CCDC3: variants seen among roughly 807,000 people sequenced by gnomAD.
CCDC3 encodes the protein coiled-coil domain containing 3, also known as coiled-coil domain-containing protein 3.
Under a neutral mutation model 21.4 loss-of-function variants are expected in CCDC3, and 24 were observed. The ratio of observed to expected loss-of-function variants is 1.12; its 90% confidence interval spans 0.81 to 1.58. The LOEUF is 1.58. CCDC3 is among the 40% of genes most tolerant of loss of function. CCDC3 has a pLI of 0.00. For missense variants in CCDC3, 425 were observed against 360.9 expected (o/e 1.18, Z -1.44); for synonymous variants, 186 against 166.0 (o/e 1.12, Z -0.93).
At chr10:12,972,393 C>T (rs1291889994) in intron 2 of CCDC3, among the ~76,000 whole-genome samples, 2 of 152,196 alleles carry the variant, frequency 1.3e-5, no homozygotes, top group African/African-American at 4.8e-5. Flanking sequence ...CCTGCTGGAT[C>T]TGAATCCTGC....
intron 5 of CCDC3, among the ~76,000 whole-genome samples, chr10:13,011,524 CA>C (rs1487527499): frequency 1.3e-5 from 2 of 151,782 alleles, no homozygotes; most frequent in South Asian, 4.2e-4. Flanking sequence ...AACGGCTGCT[CA>C]AAAAAATCAG....
In CCDC3 at chr10:13,042,621, C is replaced by T. The variant is rs1209224044; in HGVS notation, c.-2+7053G>A. On this transcript the variant is annotated intron_variant, in intron 5 of 6. Transcript: ENST00000378839. ...AAAATAATGGTCGAAAACTCCATGG[C>T]TTCTCAGCCGGGCGTGGTGGCTCAC... is the stretch of plus-strand genomic sequence containing the variant. Among the ~76,000 whole-genome samples the T allele has an allele frequency of 3.9e-5, 6 of 152,314 alleles. No homozygotes were observed. The South Asian group carries it at 8.3e-4, about 21-fold the overall frequency.
Position 12,998,524 on chromosome 10 carries a change from A to T in CCDC3, c.375-12T>A. 6 of 1,612,940 alleles carry T rather than the reference A, an allele frequency of 3.7e-6. No homozygotes were observed. Among genetic ancestry groups the T allele is most frequent in the Non-Finnish European group, 4.2e-6 (5 of 1,179,470 alleles). ...AATTTTCATCCATCCTAATGGAGGA[A>T]AAAAAGGCAGACATGTAGGCTAGAC... On this transcript the variant is annotated splice_polypyrimidine_tract_variant and intron_variant, in intron 1 of 2. Coordinates refer to ENST00000378825, the MANE Select transcript of CCDC3 (RefSeq NM_031455.4).
intron 2 of CCDC3, among the ~76,000 whole-genome samples, chr10:12,964,901 C>A (rs1400244803): frequency 6.6e-6 from 1 of 152,170 alleles, no homozygotes; most frequent in Non-Finnish European, 1.5e-5. Context: ...GGCATAAAGA[C>A]TACTTTGAGC....
chr10:12,998,539 G>A, intron 1 of CCDC3, 27 bp from the exon 2 acceptor site: 1 of 1,609,270 alleles, frequency 6.2e-7, no homozygotes, highest in South Asian at 1.1e-5. Context: ...AGGCAGACAT[G>A]TAGGCTAGAC....
intron 3 of CCDC3, among the ~76,000 whole-genome samples, chr10:13,078,051 T>C (rs866246885): frequency 2.0e-5 from 3 of 151,978 alleles, no homozygotes; most frequent in South Asian, 2.1e-4. Flanking sequence ...GCAAAAGAAA[T>C]TACCATCAGA....
intron 3 of CCDC3, chr10:13,074,119 G>A (rs1444836450): frequency 7.0e-6 from 1 of 142,724 alleles, no homozygotes; most frequent in African/African-American, 2.6e-5. Flanking sequence ...GCAAGAAACA[G>A]AGGAATCAAA....
At chr10:12,899,839 C>A (rs1232330186) in intron 2 of CCDC3, among the ~76,000 whole-genome samples, 2 of 152,328 alleles carry the variant, frequency 1.3e-5, no homozygotes, top group African/African-American at 4.8e-5. Context: ...GAAGAAGATT[C>A]ATTTTCACTT....
At chr10:12,985,473 C>T (rs1025151739) in intron 2 of CCDC3, among the ~76,000 whole-genome samples, 3 of 152,188 alleles carry the variant, frequency 2.0e-5, no homozygotes, top group Admixed American at 2.0e-4. Context: ...ACACTCTGTA[C>T]GTGAATGTTC....
At chr10:12,994,042 T>C (rs1376432811) in intron 2 of CCDC3, among the ~76,000 whole-genome samples, 1 of 152,142 alleles carries the variant, frequency 6.6e-6, no homozygotes, top group East Asian at 1.9e-4. Flanking sequence ...AATGTGCCCT[T>C]CATATCTACA....
At chr10:13,033,339 T>C (rs1299726768) in intron 5 of CCDC3, among the ~76,000 whole-genome samples, 1 of 152,178 alleles carries the variant, frequency 6.6e-6, no homozygotes, top group Non-Finnish European at 1.5e-5. Context: ...CTAAAATTAA[T>C]TCAAGATGGA....
chr10:13,023,376 A>G (rs1326519209), intron 5 of CCDC3, among the ~76,000 whole-genome samples: 1 of 152,168 alleles, frequency 6.6e-6, no homozygotes, highest in Non-Finnish European at 1.5e-5. Flanking sequence ...CACATGGCTG[A>G]AAGTTGGTGC....
intron 2 of CCDC3, among the ~76,000 whole-genome samples, chr10:12,964,296 C>T (rs1835226379): frequency 6.6e-6 from 1 of 151,762 alleles, no homozygotes; most frequent in Non-Finnish European, 1.5e-5. Flanking sequence ...CGCTTGAACC[C>T]GGGAGGCAGA....
intron 5 of CCDC3, among the ~76,000 whole-genome samples, chr10:13,033,983 C>T (rs1836341309): frequency 6.6e-6 from 1 of 152,142 alleles, no homozygotes; most frequent in Non-Finnish European, 1.5e-5. Flanking sequence ...CCAGCAATCC[C>T]ATTACTGGGT....
At chr10:12,983,671 A>C (rs1268990416) in intron 2 of CCDC3, among the ~76,000 whole-genome samples, 1 of 138,738 alleles carries the variant, frequency 7.2e-6, no homozygotes, top group African/African-American at 3.1e-5. Flanking sequence ...GAAGTGGCAA[A>C]AAAAAAAAAA....
intron 5 of CCDC3, among the ~76,000 whole-genome samples, chr10:13,026,342 AGCTTTTACAAACT>A (rs1836216380): frequency 6.6e-6 from 1 of 152,246 alleles, no homozygotes; most frequent in Non-Finnish European, 1.5e-5. Flanking sequence ...AATAACCTAC[AGCTTTTACAAACT>A]GCTTTAGTGG....
At chr10:12,905,408 C>T (rs548532494) in intron 2 of CCDC3, among the ~76,000 whole-genome samples, 1 of 152,280 alleles carries the variant, frequency 6.6e-6, no homozygotes, top group East Asian at 1.9e-4. Context: ...ATCTTAACCT[C>T]AAGAGGGGCT....
At chr10:12,914,971 T>C (rs1834328293) in intron 2 of CCDC3, among the ~76,000 whole-genome samples, 1 of 152,238 alleles carries the variant, frequency 6.6e-6, no homozygotes, top group Non-Finnish European at 1.5e-5. Context: ...AGGCATTTAT[T>C]GTTATAAACT....
intron 4 of CCDC3, among the ~76,000 whole-genome samples, chr10:13,072,138 ACCT>A (rs1836890775): frequency 6.6e-6 from 1 of 151,872 alleles, no homozygotes; most frequent in Non-Finnish European, 1.5e-5. Flanking sequence ...CCTTACCGTA[ACCT>A]CCTTGTTTCG....
Sources: gnomAD v4.1 joint callset for allele counts (sites outside exome capture counted in the v4.1 genomes callset) on GRCh38, gnomAD v4.1.1 for gene constraint, MANE v1.5 for transcripts, NCBI Gene and HGNC (gene_info 2026-07-23, HGNC 2026-07-21) for gene names.